FAM135A: variants seen among roughly 807,000 people sequenced by gnomAD.
FAM135A encodes protein FAM135A.
Under a neutral mutation model 146.8 loss-of-function variants are expected in FAM135A, and 79 were observed. That is an observed-to-expected ratio of 0.54 (90% CI 0.45 to 0.65). The LOEUF (loss-of-function observed/expected upper bound fraction) is 0.65, where lower values mean the gene tolerates loss of function less well. FAM135A is among the 30% of genes least tolerant of loss of function. The probability of loss-of-function intolerance (pLI) is 0.00; values close to 1 mark genes in which losing one functional copy is unlikely to be tolerated. For missense variants in FAM135A, 1,623 were observed against 1,758.2 expected (o/e 0.92, Z 1.38); for synonymous variants, 562 against 603.6 (o/e 0.93, Z 1.01).
chr6:70,538,918 T>TTTTTTTTTTTTTTTTTTTTTTTG (rs1554167052), intron 20 of FAM135A, among the ~76,000 whole-genome samples: 1 of 148,972 alleles, frequency 6.7e-6, no homozygotes, highest in African/African-American at 2.5e-5. Context: ...TTATCCTTTC[T>TTTTTTTTTTTTTTTTTTTTTTTG]ACAATTCTCA....
chr6:70,455,733 A>G (rs370355428), intron 5 of FAM135A, among the ~76,000 whole-genome samples: 50 of 152,338 alleles, frequency 3.3e-4, no homozygotes, highest in East Asian at 2.7e-3. Flanking sequence ...CAAGATGGCA[A>G]GATACTTGAC....
intron 5 of FAM135A, among the ~76,000 whole-genome samples, chr6:70,453,326 A>G (rs1360679949): frequency 1.3e-5 from 2 of 152,214 alleles, no homozygotes; most frequent in Non-Finnish European, 2.9e-5. Flanking sequence ...GAAATTTTAA[A>G]AAACTTGTTG....
intron 20 of FAM135A, among the ~76,000 whole-genome samples, chr6:70,539,766 CG>C (rs1350787167): frequency 6.6e-6 from 1 of 152,052 alleles, no homozygotes; most frequent in Non-Finnish European, 1.5e-5. Context: ...GAGCCTGAGG[CG>C]GGCGGATCAC....
intron 3 of FAM135A, among the ~76,000 whole-genome samples, chr6:70,427,020 A>G (rs188704344): frequency 6.6e-6 from 1 of 152,294 alleles, no homozygotes; most frequent in Admixed American, 6.5e-5. Context: ...ACGTGTAGAA[A>G]CATGAGAGAT....
intron 12 of FAM135A, among the ~76,000 whole-genome samples, chr6:70,509,282 T>A (rs1015770247): frequency 6.6e-6 from 1 of 151,972 alleles, no homozygotes; most frequent in Non-Finnish European, 1.5e-5. Flanking sequence ...AAAAAAAAAA[T>A]TATGTCTTTC....
At chr6:70,555,492 A>G (rs981474362) in intron 20 of FAM135A, among the ~76,000 whole-genome samples, 2 of 151,888 alleles carry the variant, frequency 1.3e-5, no homozygotes, top group Non-Finnish European at 2.9e-5. Flanking sequence ...GGCTCAGGCA[A>G]TTTTCCCCCC....
intron 11 of FAM135A, among the ~76,000 whole-genome samples, chr6:70,497,678 C>T (rs1257253668): frequency 6.6e-6 from 1 of 152,138 alleles, no homozygotes; most frequent in Non-Finnish European, 1.5e-5. Flanking sequence ...TCCATCAATA[C>T]CTACTTTATT....
chr6:70,481,745 A>G (rs145224563), intron 9 of FAM135A, among the ~76,000 whole-genome samples: 13 of 152,178 alleles, frequency 8.5e-5, no homozygotes, highest in African/African-American at 2.7e-4. Flanking sequence ...TCTAAATGTT[A>G]TATAAATACC....
chr6:70,556,625 A>G (rs1800890950), intron 20 of FAM135A, 125 bp from the exon 21 acceptor site: 4 of 587,362 alleles, frequency 6.8e-6, no homozygotes, highest in Non-Finnish European at 1.1e-5. Context: ...ATCATCAAGT[A>G]TTGACAAAGT....
At chr6:70,504,443 G>T (rs1437196945) in intron 12 of FAM135A, 1 of 152,044 alleles carries the variant, frequency 6.6e-6, no homozygotes, top group Non-Finnish European at 1.5e-5. Context: ...TGAACTGGAG[G>T]TCTTAATTTT....
intron 20 of FAM135A, among the ~76,000 whole-genome samples, chr6:70,545,684 AAAT>A (rs1409922108): frequency 7.9e-5 from 12 of 152,334 alleles, no homozygotes; most frequent in East Asian, 3.9e-4. Context: ...AATACTGGAA[AAAT>A]AATAATAGCT....
intron 16 of FAM135A, among the ~76,000 whole-genome samples, chr6:70,530,844 G>A (rs1215045682): frequency 6.6e-6 from 1 of 152,144 alleles, no homozygotes; most frequent in Admixed American, 6.5e-5. Context: ...ACTCTGTCTA[G>A]TTCAAGACAC....
intron 2 of FAM135A, among the ~76,000 whole-genome samples, chr6:70,423,984 T>C (rs1342115879): frequency 6.6e-6 from 1 of 152,132 alleles, no homozygotes; most frequent in East Asian, 1.9e-4. Context: ...AGGAAAACAG[T>C]AATAAAATCT....
chr6:70,546,230 C>T (rs2128467129), intron 20 of FAM135A, among the ~76,000 whole-genome samples: 1 of 152,234 alleles, frequency 6.6e-6, no homozygotes, highest in South Asian at 2.1e-4. Context: ...AAAAAGAGTA[C>T]TTAACCAATA....
chr6:70,438,044 T>G (rs1010378317), intron 4 of FAM135A, among the ~76,000 whole-genome samples: 1 of 152,136 alleles, frequency 6.6e-6, no homozygotes, highest in African/African-American at 2.4e-5. Flanking sequence ...ATGTGGTTAT[T>G]GGAAAAAAAG....
intron 15 of FAM135A, 52 bp downstream of exon 15, chr6:70,526,750 T>C (rs45460797): frequency 0.024 from 20,768 of 848,464 alleles, 567 homozygotes; most frequent in Non-Finnish European, 0.03. Flanking sequence ...CATATATATA[T>C]ACACACACAC....
intron 20 of FAM135A, among the ~76,000 whole-genome samples, chr6:70,555,147 A>T (rs1054970739): frequency 6.6e-6 from 1 of 152,168 alleles, no homozygotes; most frequent in Non-Finnish European, 1.5e-5. Context: ...CATATACCTT[A>T]ATAAGATCTG....
intron 1 of FAM135A, chr6:70,414,152 G>T: frequency 1.6e-6 from 1 of 612,344 alleles, no homozygotes; most frequent in Non-Finnish European, 2.0e-6. Context: ...GTATCTCTGT[G>T]CTTCCATCCC....
intron 20 of FAM135A, among the ~76,000 whole-genome samples, chr6:70,539,738 G>A (rs1434802298): frequency 6.6e-6 from 1 of 152,200 alleles, no homozygotes; most frequent in Non-Finnish European, 1.5e-5. Context: ...GCTCACGCCT[G>A]TAATCCCAGC....
Sources: allele counts gnomAD v4.1 joint callset (sites outside exome capture counted in the v4.1 genomes callset), GRCh38; gene constraint gnomAD v4.1.1; transcripts MANE v1.5; gene names NCBI Gene and HGNC (gene_info 2026-07-23, HGNC 2026-07-21).